CACNA1E: variants seen among roughly 807,000 people sequenced by gnomAD.
CACNA1E encodes voltage-dependent R-type calcium channel subunit alpha-1E.
A neutral mutation model predicts 259.2 loss-of-function variants in CACNA1E; 40 were observed. The observed-to-expected ratio is 0.15, with a 90% CI of 0.12 to 0.20. The LOEUF is 0.20. Ranked by LOEUF, CACNA1E falls within the 10% of genes least tolerant of loss-of-function variation. The pLI, the probability that CACNA1E is intolerant of heterozygous loss-of-function variation, is 1.00. For missense variants in CACNA1E, 1,874 were observed against 3,040.1 expected (o/e 0.62, Z 9.02); for synonymous variants, 1,104 against 1,138.5 (o/e 0.97, Z 0.61).
rs1647693741 is a variant in CACNA1E at position 181,661,656 on chromosome 1, TG to T, written c.1055+10216del. Among the ~76,000 whole-genome samples the T allele has an allele frequency of 3.3e-5, 5 of 152,188 alleles. No homozygotes were observed. In the South Asian group the frequency reaches 1.0e-3, roughly 32 times the overall value. Reference sequence around the variant, plus strand: ...GAGTAGAGTAGGGTTTGTTTTAAGTTGTTTTTCTTGTAAGCTATAATTTTTT... The same window carrying T: ...GAGTAGAGTAGGGTTTGTTTTAAGTTTTTTTCTTGTAAGCTATAATTTTTT... On this transcript the variant is annotated intron_variant, in intron 7 of 47. Coordinates refer to ENST00000367573, the MANE Select transcript of CACNA1E (RefSeq NM_001205293.3).
intron 1 of CACNA1E, among the ~76,000 whole-genome samples, chr1:181,380,536 T>C (rs2101993190): frequency 6.6e-6 from 1 of 152,298 alleles, no homozygotes; most frequent in East Asian, 1.9e-4. Context: ...AAATAGTTTG[T>C]TTGCTGAAAC....
At chr1:181,544,882 C>T (rs1325318573) in intron 3 of CACNA1E, among the ~76,000 whole-genome samples, 2 of 152,126 alleles carry the variant, frequency 1.3e-5, no homozygotes, top group Admixed American at 1.3e-4. Flanking sequence ...TTGTTTTGGT[C>T]ATTGTGGTTG....
intron 1 of CACNA1E, among the ~76,000 whole-genome samples, chr1:181,499,395 G>A (rs1231250570): frequency 2.6e-5 from 4 of 152,198 alleles, no homozygotes; most frequent in Admixed American, 6.5e-5. Context: ...TGATTATTCT[G>A]ATAATAGTTT....
intron 6 of CACNA1E, among the ~76,000 whole-genome samples, chr1:181,591,243 A>G (rs1212433417): frequency 6.6e-6 from 1 of 152,228 alleles, no homozygotes; most frequent in Non-Finnish European, 1.5e-5. Context: ...TCCCTTTGCT[A>G]TCTCTGCATT....
chr1:181,779,231 T>C (rs769930699), intron 38 of CACNA1E, among the ~76,000 whole-genome samples: 1 of 152,214 alleles, frequency 6.6e-6, no homozygotes, highest in Non-Finnish European at 1.5e-5. Context: ...TTGACCAGGC[T>C]CTGATTTCCT....
At chr1:181,752,542 A>G (rs901589278) in intron 27 of CACNA1E, among the ~76,000 whole-genome samples, 2 of 152,118 alleles carry the variant, frequency 1.3e-5, no homozygotes, top group African/African-American at 2.4e-5. Context: ...TCCTATGTCT[A>G]TGTCCCCAGT....
intron 7 of CACNA1E, among the ~76,000 whole-genome samples, chr1:181,684,717 C>T (rs1454352808): frequency 6.6e-6 from 1 of 152,102 alleles, no homozygotes; most frequent in Non-Finnish European, 1.5e-5. Flanking sequence ...TATCCCAGCA[C>T]CGTTTATTGA....
At chr1:181,601,850 C>T (rs1243804354) in intron 6 of CACNA1E, among the ~76,000 whole-genome samples, 1 of 152,206 alleles carries the variant, frequency 6.6e-6, no homozygotes, top group Non-Finnish European at 1.5e-5. Flanking sequence ...CAAGGGTCTA[C>T]AGGGCCCTCC....
At chr1:181,331,326 G>T (rs1050451062) in intron 1 of CACNA1E, among the ~76,000 whole-genome samples, 1 of 152,126 alleles carries the variant, frequency 6.6e-6, no homozygotes, top group African/African-American at 2.4e-5. Flanking sequence ...CCCATCACAG[G>T]CCATTTGTAA....
chr1:181,669,685 A>G (rs1470874860), intron 7 of CACNA1E, among the ~76,000 whole-genome samples: 1 of 152,212 alleles, frequency 6.6e-6, no homozygotes, highest in Non-Finnish European at 1.5e-5. Context: ...AAATGGCCTC[A>G]AGTGAACAAA....
At chr1:181,724,804 C>T (rs957582560) in intron 17 of CACNA1E, among the ~76,000 whole-genome samples, 2 of 152,212 alleles carry the variant, frequency 1.3e-5, no homozygotes, top group Non-Finnish European at 2.9e-5. Context: ...TCAAAGGAGT[C>T]CTTTCCAGGA....
chr1:181,335,917 A>T lies in CACNA1E; in HGVS notation c.-15+17794A>T, dbSNP rs1651674799. Among the ~76,000 whole-genome samples, 3 of 152,302 alleles carry T rather than the reference A, an allele frequency of 2.0e-5. No homozygotes were observed. The South Asian group carries it at 6.2e-4, about 32-fold the overall frequency. ...TAGAGCACCACAGACTGTCTGAGCC[A>T]TATGGGGCCATAGAGATCTCATAGT... On this transcript the variant is annotated intron_variant, in intron 1 of 11. Transcript: ENST00000524607.
At chr1:181,426,785 CTCAACCCCTTCCTATT>C (rs1368724751) in intron 2 of CACNA1E, among the ~76,000 whole-genome samples, 10 of 148,544 alleles carry the variant, frequency 6.7e-5, no homozygotes, top group South Asian at 4.4e-4. Context: ...CCCTTCACAA[CTCAACCCCTTCCTATT>C]TCAACCCCTT....
At chr1:181,669,428 A>G (rs1341426787) in intron 7 of CACNA1E, among the ~76,000 whole-genome samples, 1 of 152,064 alleles carries the variant, frequency 6.6e-6, no homozygotes, top group Non-Finnish European at 1.5e-5. Flanking sequence ...CCCCACAGCC[A>G]CTTCCACCCA....
At chr1:181,578,682 T>C (rs1054135694) in intron 4 of CACNA1E, among the ~76,000 whole-genome samples, 5 of 152,274 alleles carry the variant, frequency 3.3e-5, no homozygotes, top group African/African-American at 1.2e-4. Flanking sequence ...CAACTATAAA[T>C]GTGCTGCAAC....
chr1:181,584,160 C>T (rs140794050), intron 6 of CACNA1E, among the ~76,000 whole-genome samples: 9 of 152,256 alleles, frequency 5.9e-5, no homozygotes, highest in Admixed American at 1.3e-4. Context: ...AGGACTAATT[C>T]CCAGATTGCA....
chr1:181,736,001 A>G (rs185295732), intron 21 of CACNA1E, among the ~76,000 whole-genome samples: 6 of 152,328 alleles, frequency 3.9e-5, no homozygotes, highest in Admixed American at 1.3e-4. Context: ...ATCAGACTGT[A>G]AAAGTTCAAC....
At chr1:181,473,921 T>C (rs576624633) in intron 2 of CACNA1E, among the ~76,000 whole-genome samples, 17 of 152,356 alleles carry the variant, frequency 1.1e-4, no homozygotes, top group Non-Finnish European at 2.2e-4. Context: ...GGGTTTATAA[T>C]AGCACTTGCC....
In CACNA1E at chr1:181,726,153, C is replaced by T. The variant is rs2102510206; in HGVS notation, c.2231C>T (p.Pro744Leu). The T allele has an allele frequency of 6.2e-7, 1 of 1,611,294 alleles. No individual in the cohort carries two copies. Among genetic ancestry groups the T allele is most frequent in the Non-Finnish European group, 8.5e-7 (1 of 1,178,432 alleles). Residue 744 changes from proline to leucine, a missense_variant, in exon 18 of 48, where the codon CCT becomes CTT. Coordinates refer to ENST00000367573, the MANE Select transcript of CACNA1E (RefSeq NM_001205293.3). ...AGCCCGATGTCTGCACCCAACATGC[C>T]TTCGATCGAGTGAGTCAGCTGCCCC... ...EVSPMSAPNM[P>L]SIERDRRRRH...
Sources: gnomAD v4.1 joint callset for allele counts (sites outside exome capture counted in the v4.1 genomes callset) on GRCh38, gnomAD v4.1.1 for gene constraint, MANE v1.5 for transcripts, NCBI Gene and HGNC (gene_info 2026-07-23, HGNC 2026-07-21) for gene names.